The following CNBD1 variants were observed in gnomAD, a reference collection of about 807,000 sequenced individuals.
CNBD1 encodes cyclic nucleotide binding domain containing 1.
In CNBD1, 71 loss-of-function variants were observed where a neutral mutation model predicts 54.4. The ratio of observed to expected loss-of-function variants is 1.30; its 90% confidence interval spans 1.08 to 1.59. The LOEUF is 1.59. Ranked by LOEUF, CNBD1 falls within the 40% of genes most tolerant of loss-of-function variation. The probability of loss-of-function intolerance (pLI) is 0.00; values close to 1 mark genes in which losing one functional copy is unlikely to be tolerated. For missense variants in CNBD1, 659 were observed against 518.0 expected, an observed-to-expected ratio of 1.27 and a Z score of -2.64; for synonymous variants, 182 against 170.7, an observed-to-expected ratio of 1.07 and a Z score of -0.51.
intron 4 of CNBD1, among the ~76,000 whole-genome samples, chr8:87,170,678 C>T (rs1197419043): frequency 1.3e-5 from 2 of 152,016 alleles, no homozygotes; most frequent in Admixed American, 6.6e-5. Context: ...CTTTCTATAC[C>T]CAGTTTCCTT....
chr8:87,254,889 G>C (rs1052904984), intron 6 of CNBD1, among the ~76,000 whole-genome samples: 1 of 152,102 alleles, frequency 6.6e-6, no homozygotes, highest in African/African-American at 2.4e-5. Flanking sequence ...GAAATATTTA[G>C]CTTGCTAAAT....
intron 3 of CNBD1, among the ~76,000 whole-genome samples, chr8:86,925,252 T>G (rs1809338392): frequency 6.6e-6 from 1 of 152,156 alleles, no homozygotes; most frequent in Non-Finnish European, 1.5e-5. Flanking sequence ...TTACCCATAG[T>G]TATTTCCCTC....
At chr8:87,391,058 A>C (rs1811298501) in intron 2 of CNBD1, among the ~76,000 whole-genome samples, 1 of 144,886 alleles carries the variant, frequency 6.9e-6, no homozygotes, top group Non-Finnish European at 1.5e-5. Context: ...CCATGGACAC[A>C]GGAAGGGGAA....
intron 10 of CNBD1, among the ~76,000 whole-genome samples, chr8:87,380,634 C>A (rs559203251): frequency 6.6e-6 from 1 of 151,960 alleles, no homozygotes; most frequent in Non-Finnish European, 1.5e-5. Flanking sequence ...ACAATATTGT[C>A]TTCCAGTCTG....
chr8:86,935,980 T>C (rs1297774522), intron 3 of CNBD1, among the ~76,000 whole-genome samples: 1 of 151,934 alleles, frequency 6.6e-6, no homozygotes, highest in Non-Finnish European at 1.5e-5. Context: ...AAACCATCTC[T>C]TAAAAAAAAT....
intron 4 of CNBD1, among the ~76,000 whole-genome samples, chr8:87,028,308 A>G (rs551963989): frequency 6.6e-6 from 1 of 152,320 alleles, no homozygotes; most frequent in South Asian, 2.1e-4. Flanking sequence ...ATGGGGCCGG[A>G]GAGAGACAGA....
intron 4 of CNBD1, among the ~76,000 whole-genome samples, chr8:87,137,114 T>TATTTATATTATATGTAAATTATATA (rs1563482910): frequency 1.6e-5 from 1 of 62,006 alleles, no homozygotes; most frequent in Non-Finnish European, 3.0e-5. Flanking sequence ...ATTATATATA[T>TATTTATATTATATGTAAATTATATA]TATATTTTTA....
At chr8:87,287,015 A>G (rs1808712186) in intron 8 of CNBD1, among the ~76,000 whole-genome samples, 1 of 152,180 alleles carries the variant, frequency 6.6e-6, no homozygotes, top group African/African-American at 2.4e-5. Flanking sequence ...AGAAAAGGAA[A>G]AAAACCATTT....
At chr8:87,053,204 G>A (rs1810347097) in intron 4 of CNBD1, among the ~76,000 whole-genome samples, 2 of 152,196 alleles carry the variant, frequency 1.3e-5, no homozygotes, top group African/African-American at 4.8e-5. Flanking sequence ...GACAAAGAAA[G>A]CCAGTACATA....
chr8:87,327,345 C>A (rs1241569793), intron 8 of CNBD1, among the ~76,000 whole-genome samples: 3 of 150,446 alleles, frequency 2.0e-5, no homozygotes, highest in Non-Finnish European at 3.0e-5. Context: ...GTTCGAGCTT[C>A]CCGGCTGCTT....
rs370346731 is a variant in CNBD1 at position 87,160,113 on chromosome 8, AGAT to A, written c.432-45876_432-45874del. Among the ~76,000 whole-genome samples, 445 of 152,192 alleles carry A rather than the reference AGAT, an allele frequency of 2.9e-3. 4 individuals are homozygous for A. Among genetic ancestry groups the A allele is most frequent in the African/African-American group, 0.01 (422 of 41,554 alleles). ...TAAACTATAATTTTTAATATTTGGA[AGAT>A]GATTATCATATCATTTGAAGTGCTT... On this transcript the variant is annotated intron_variant, in intron 4 of 10. Transcript: ENST00000518476.
At chr8:87,310,957 G>T (rs72666855) in intron 8 of CNBD1, among the ~76,000 whole-genome samples, 4 of 152,076 alleles carry the variant, frequency 2.6e-5, no homozygotes, top group Admixed American at 6.6e-5. Flanking sequence ...AGTCGAGATG[G>T]AGAGAAGACT....
At chr8:87,349,776 T>A (rs186876020) in intron 8 of CNBD1, among the ~76,000 whole-genome samples, 48 of 152,342 alleles carry the variant, frequency 3.2e-4, no homozygotes, top group Non-Finnish European at 5.4e-4. Flanking sequence ...GCTATGGTTA[T>A]CATAAAGACC....
chr8:87,092,210 C>T (rs897418436), intron 4 of CNBD1, among the ~76,000 whole-genome samples: 1 of 152,010 alleles, frequency 6.6e-6, no homozygotes, highest in East Asian at 1.9e-4. Context: ...TATCTATTTC[C>T]AGTAATAGGG....
chr8:86,910,500 G>C (rs539847424), intron 3 of CNBD1, among the ~76,000 whole-genome samples: 1 of 152,178 alleles, frequency 6.6e-6, no homozygotes, highest in Non-Finnish European at 1.5e-5. Flanking sequence ...GGGAGGGGGA[G>C]CATCCTGCAC....
chr8:86,968,567 G>T (rs1202847992), intron 4 of CNBD1, among the ~76,000 whole-genome samples: 1 of 152,180 alleles, frequency 6.6e-6, no homozygotes, highest in African/African-American at 2.4e-5. Flanking sequence ...GCAGGTCTAT[G>T]CCTTTCTCCA....
chr8:87,163,402 C>G lies in CNBD1; in HGVS notation c.432-42591C>G, dbSNP rs1377219552. On this transcript the variant is annotated intron_variant, in intron 4 of 10. Coordinates refer to ENST00000518476, the MANE Select transcript of CNBD1 (RefSeq NM_173538.3). The surrounding 1 kb of genome is among the most constrained non-coding windows in gnomAD (Gnocchi z 4.5). ...TAGAGATTGCATTGAATCTGCAGAT[C>G]ACTTCAGGTCATATGAATAATTTAA... is the stretch of plus-strand genomic sequence containing the variant. Among the ~76,000 whole-genome samples, 1 of 151,676 alleles carries G rather than the reference C, an allele frequency of 6.6e-6. No homozygotes were observed. The highest frequency in any genetic ancestry group is 1.5e-5 in the Non-Finnish European group (1 of 67,894).
At chr8:87,352,990 C>T (rs1452538260) in intron 9 of CNBD1, among the ~76,000 whole-genome samples, 1 of 152,124 alleles carries the variant, frequency 6.6e-6, no homozygotes, top group African/African-American at 2.4e-5. Flanking sequence ...TCTTAGTGGT[C>T]ATCAACTCCT....
At position 87,421,611 on chromosome 8, in the gene CNBD1, T is replaced by C. The variant is rs566673232; in HGVS notation, c.214-6935T>C. 2.6e-4 allele frequency among the ~76,000 whole-genome samples: 39 copies of C among 152,202 alleles called. No individual in the cohort carries two copies. In the South Asian group the frequency reaches 8.1e-3, roughly 32 times the overall value. On this transcript the variant is annotated intron_variant, in intron 2 of 7. Transcript: ENST00000521593. Reference sequence around the variant, plus strand: ...CCCTACAAAGGACATGAACTCATCATTTTTATGGCTGCATAGTATTCCACG... The same window carrying C: ...CCCTACAAAGGACATGAACTCATCACTTTTATGGCTGCATAGTATTCCACG...
Sources: gnomAD v4.1 joint callset for allele counts (sites outside exome capture counted in the v4.1 genomes callset) on GRCh38, gnomAD v4.1.1 for gene constraint, Gnocchi (gnomAD v3.1) non-coding constraint, MANE v1.5 for transcripts, NCBI Gene and HGNC (gene_info 2026-07-23, HGNC 2026-07-21) for gene names.